Variants in OPCML observed in about 807,000 individuals in gnomAD.
OPCML encodes opioid-binding protein/cell adhesion molecule.
A neutral mutation model predicts 37.8 loss-of-function variants in OPCML; 13 were observed. The observed-to-expected ratio is 0.34, with a 90% CI of 0.22 to 0.55. OPCML has a LOEUF of 0.55. OPCML is among the 20% of genes least tolerant of loss of function. The pLI, the probability that OPCML is intolerant of heterozygous loss-of-function variation, is 0.91. For synonymous variants in OPCML, 176 were observed against 168.8 expected (o/e 1.04, Z -0.33); for missense variants, 341 against 435.6 (o/e 0.78, Z 1.93).
intron 2 of OPCML, among the ~76,000 whole-genome samples, chr11:132,708,931 G>T (rs1944147257): frequency 6.6e-6 from 1 of 152,122 alleles, no homozygotes; most frequent in Non-Finnish European, 1.5e-5. Flanking sequence ...TATTTAAATG[G>T]AATGGCCATC....
At chr11:132,887,593 G>C (rs927187175) in intron 2 of OPCML, among the ~76,000 whole-genome samples, 8 of 152,332 alleles carry the variant, frequency 5.3e-5, no homozygotes, top group African/African-American at 1.9e-4. Context: ...TTAGGAATGA[G>C]GATGATGATA....
At chr11:133,267,106 C>T (rs931075644) in intron 1 of OPCML, among the ~76,000 whole-genome samples, 1 of 152,106 alleles carries the variant, frequency 6.6e-6, no homozygotes, top group Admixed American at 6.5e-5. Context: ...ACAGGAAGGA[C>T]TTTGTAGGCG....
At chr11:132,670,988 T>C (rs1942451109) in intron 2 of OPCML, among the ~76,000 whole-genome samples, 1 of 152,164 alleles carries the variant, frequency 6.6e-6, no homozygotes, top group South Asian at 2.1e-4. Context: ...AAACAGAAAT[T>C]GTGTGTGTTC....
chr11:132,594,107 T>C (rs903641260), intron 3 of OPCML, among the ~76,000 whole-genome samples: 3 of 152,218 alleles, frequency 2.0e-5, no homozygotes, highest in Non-Finnish European at 4.4e-5. Flanking sequence ...TTGTTCTGCT[T>C]CACCATCTAT....
chr11:133,489,407 A>C (rs1947604841), intron 1 of OPCML, among the ~76,000 whole-genome samples: 1 of 152,220 alleles, frequency 6.6e-6, no homozygotes, highest in South Asian at 2.1e-4. Flanking sequence ...AACCCCATTT[A>C]AAAGTGGACA....
At chr11:133,130,341 T>C (rs574027098) in intron 1 of OPCML, among the ~76,000 whole-genome samples, 13 of 152,226 alleles carry the variant, frequency 8.5e-5, no homozygotes, top group African/African-American at 2.9e-4. Context: ...TACATGTAAA[T>C]TGAGTTGCTA....
At chr11:132,735,763 G>T (rs541795493) in intron 2 of OPCML, among the ~76,000 whole-genome samples, 2 of 152,130 alleles carry the variant, frequency 1.3e-5, no homozygotes, top group Non-Finnish European at 2.9e-5. Flanking sequence ...GATTACAGGC[G>T]TGAGCCACCG....
At chr11:132,581,903 C>A (rs892252750) in intron 3 of OPCML, among the ~76,000 whole-genome samples, 1 of 151,948 alleles carries the variant, frequency 6.6e-6, no homozygotes, top group African/African-American at 2.4e-5. Context: ...AGACAGACAC[C>A]TGCCCATGAT....
chr11:133,327,898 T>C (rs1181439731), intron 1 of OPCML, among the ~76,000 whole-genome samples: 3 of 152,162 alleles, frequency 2.0e-5, no homozygotes, highest in Non-Finnish European at 2.9e-5. Flanking sequence ...GTGCTCGCAC[T>C]GTAAATATGA....
At chr11:133,501,963 C>T (rs981718205) in intron 1 of OPCML, among the ~76,000 whole-genome samples, 3 of 152,064 alleles carry the variant, frequency 2.0e-5, no homozygotes, top group Non-Finnish European at 2.9e-5. Context: ...CCTCCACAGC[C>T]GCCCCTTCCA....
At chr11:133,411,392 G>A (rs925666320) in intron 1 of OPCML, among the ~76,000 whole-genome samples, 19 of 152,138 alleles carry the variant, frequency 1.2e-4, no homozygotes, top group Non-Finnish European at 1.8e-4. Context: ...GCATGCCAGC[G>A]TGGCTCTGAA....
chr11:133,184,811 T>C (rs1016264926), intron 1 of OPCML, among the ~76,000 whole-genome samples: 1 of 152,196 alleles, frequency 6.6e-6, no homozygotes, highest in Non-Finnish European at 1.5e-5. Flanking sequence ...TTATACAGGA[T>C]ATATGGAAAT....
At chr11:132,728,131 C>A (rs1944950713) in intron 2 of OPCML, among the ~76,000 whole-genome samples, 1 of 152,256 alleles carries the variant, frequency 6.6e-6, no homozygotes, top group Non-Finnish European at 1.5e-5. Context: ...ACAAGCAGGG[C>A]TGCTCCATGG....
intron 4 of OPCML, among the ~76,000 whole-genome samples, chr11:132,513,507 T>C (rs1048862648): frequency 6.6e-5 from 10 of 152,112 alleles, no homozygotes; most frequent in African/African-American, 9.7e-5. Flanking sequence ...AACAAATGAG[T>C]TCAACTTTAT....
At chr11:133,372,412 A>G (rs1944694803) in intron 1 of OPCML, among the ~76,000 whole-genome samples, 1 of 152,162 alleles carries the variant, frequency 6.6e-6, no homozygotes, top group African/African-American at 2.4e-5. Flanking sequence ...AAATAAAATT[A>G]TATCTGTTCC....
rs549392681 is a variant in OPCML at position 132,941,132 on chromosome 11, T to A, written c.146+1794A>T. ...AGCAACTATTCAGCTTTTCTTTTTT[T>A]ATTCCCATTCCCATTCCCAAGCCCA... On this transcript the variant is annotated intron_variant, in intron 2 of 7. Coordinates refer to ENST00000524381, the MANE Select transcript of OPCML (RefSeq NM_001012393.5). Among the ~76,000 whole-genome samples the A allele has an allele frequency of 2.6e-5, 4 of 152,354 alleles. No homozygotes were observed. In the South Asian group the frequency reaches 8.3e-4, roughly 32 times the overall value.
rs150470513 is a variant in OPCML, at chr11:132,436,126, C to A, written c.876G>T (p.Thr292=). ...TGGCATTGGTGTTCCCAAGCTTGTT[C>A]GTGGCCACACAAGTATAGTTCCCAT... ...KDYGNYTCVA[T]NKLGNTNASI... Residue 292 remains threonine, a synonymous_variant, in exon 7 of 8, where the codon ACG becomes ACT. Coordinates refer to ENST00000524381, the MANE Select transcript of OPCML (RefSeq NM_001012393.5). 48 of 1,614,152 alleles carry A rather than the reference C, an allele frequency of 3.0e-5. No individual in the cohort carries two copies. The African/African-American group carries it at 6.4e-4, about 22-fold the overall frequency.
intron 2 of OPCML, among the ~76,000 whole-genome samples, chr11:132,763,391 C>A (rs1390334597): frequency 6.6e-6 from 1 of 152,114 alleles, no homozygotes; most frequent in Non-Finnish European, 1.5e-5. Flanking sequence ...ATTTGAGATC[C>A]AGAGCAATTG....
chr11:133,007,600 A>G (rs776424579), intron 1 of OPCML: 15 of 985,474 alleles, frequency 1.5e-5, no homozygotes, highest in Non-Finnish European at 1.8e-5. Flanking sequence ...AATTGCTTGT[A>G]GAAGCTGGGA....
Sources: gnomAD v4.1 joint callset for allele counts (sites outside exome capture counted in the v4.1 genomes callset) on GRCh38, gnomAD v4.1.1 for gene constraint, MANE v1.5 for transcripts, NCBI Gene and HGNC (gene_info 2026-07-23, HGNC 2026-07-21) for gene names.